SHROOM3: variants seen among roughly 807,000 people sequenced by gnomAD.
The protein encoded by SHROOM3 is protein Shroom3.
A neutral mutation model predicts 138.6 loss-of-function variants in SHROOM3; 47 were observed. The ratio of observed to expected loss-of-function variants is 0.34; its 90% CI spans 0.27 to 0.43. The LOEUF (loss-of-function observed/expected upper bound fraction) is 0.43. Ranked by LOEUF, SHROOM3 falls within the 20% of genes least tolerant of loss-of-function variation. The probability of loss-of-function intolerance (pLI) is 1.00; values close to 1 mark genes in which losing one functional copy is unlikely to be tolerated. For missense variants in SHROOM3, 2,491 were observed against 2,596.5 expected (o/e 0.96, Z 0.88); for synonymous variants, 1,062 against 1,063.3 (o/e 1.00, Z 0.02).
intron 1 of SHROOM3, among the ~76,000 whole-genome samples, chr4:76,485,425 T>C (rs1731708798): frequency 6.6e-6 from 1 of 152,232 alleles, no homozygotes; most frequent in Admixed American, 6.5e-5. Flanking sequence ...GAAATAAATA[T>C]TTAGGGATAC....
At position 76,741,456 on chromosome 4, in the gene SHROOM3, G is replaced by T. The variant is rs1161344278; in HGVS notation, c.3283G>T (p.Gly1095Cys). Residue 1095 changes from glycine to cysteine, a missense_variant, in exon 5 of 11, where the codon GGC becomes TGC. Coordinates refer to ENST00000296043, the MANE Select transcript of SHROOM3 (RefSeq NM_020859.4). The surrounding 1 kb of genome is among the most constrained non-coding windows in gnomAD (Gnocchi z 6.2). ...ALADYIQRKT[G>C]KRPTSAAGCS... ...GGCGGACTACATCCAGCGCAAGACC[G>T]GCAAGCGGCCTACCTCCGCCGCCGG... is the stretch of plus-strand genomic sequence containing the variant. The T allele has an allele frequency of 6.3e-7, 1 of 1,576,540 alleles. No homozygotes were observed. The highest frequency in any genetic ancestry group is 1.3e-5 in the African/African-American group (1 of 74,318).
intron 2 of SHROOM3, among the ~76,000 whole-genome samples, chr4:76,582,077 TA>T (rs1247918661): frequency 2.6e-5 from 4 of 152,192 alleles, no homozygotes; most frequent in African/African-American, 9.7e-5. Context: ...TCAGCCATGA[TA>T]AAAATCAAAA....
chr4:76,505,485 A>G (rs999201807), intron 1 of SHROOM3, among the ~76,000 whole-genome samples: 1 of 152,154 alleles, frequency 6.6e-6, no homozygotes, highest in African/African-American at 2.4e-5. Context: ...ATCCATACAT[A>G]CAATTGGCCC....
intron 2 of SHROOM3, among the ~76,000 whole-genome samples, chr4:76,672,932 T>C (rs192902040): frequency 7.9e-4 from 120 of 152,294 alleles, no homozygotes; most frequent in African/African-American, 2.6e-3. Flanking sequence ...TTCTGCCTCA[T>C]TGCCCTTAAA....
chr4:76,597,015 C>A (rs1278227494), intron 2 of SHROOM3, among the ~76,000 whole-genome samples: 1 of 152,214 alleles, frequency 6.6e-6, no homozygotes, highest in Non-Finnish European at 1.5e-5. Context: ...ACCCCTTCAA[C>A]TGGGGCTTGA....
At chr4:76,462,481 C>T (rs1365550241) in intron 1 of SHROOM3, among the ~76,000 whole-genome samples, 1 of 152,178 alleles carries the variant, frequency 6.6e-6, no homozygotes, top group African/African-American at 2.4e-5. Context: ...TCATTTACCA[C>T]TTGATATGGT....
In SHROOM3 at chr4:76,741,586, G is replaced by C; in HGVS notation, c.3413G>C (p.Ser1138Thr). The C allele has an allele frequency of 6.5e-7, 1 of 1,541,436 alleles. No homozygotes were observed. The highest frequency in any genetic ancestry group is 8.7e-7 in the Non-Finnish European group (1 of 1,149,524). The change falls in exon 5 of 11, where the codon AGC becomes ACC. Residue 1138 changes from serine (S) to threonine (T), a missense_variant. Ser to Thr is a moderately conservative substitution (Grantham distance 58). Coordinates refer to ENST00000296043, the MANE Select transcript of SHROOM3 (RefSeq NM_020859.4). The surrounding 1 kb of genome is among the most constrained non-coding windows in gnomAD (Gnocchi z 6.2). ...LEGSGLASAS[S>T]LSSLREPSLQ... is the part of the protein sequence containing the mutation. ...GGCTCCGGCCTCGCCTCGGCCTCCAGCTTGAGCTCACTGCGGGAGCCCAGC... is the reference window on the plus strand; with the variant it reads ...GGCTCCGGCCTCGCCTCGGCCTCCACCTTGAGCTCACTGCGGGAGCCCAGC...
chr4:76,761,971 T>C (rs1722000057), intron 9 of SHROOM3, among the ~76,000 whole-genome samples: 1 of 152,180 alleles, frequency 6.6e-6, no homozygotes. Flanking sequence ...AAGAAAAATA[T>C]CCAGAAGCCC....
intron 2 of SHROOM3, among the ~76,000 whole-genome samples, chr4:76,558,447 G>A (rs779733291): frequency 6.6e-6 from 1 of 152,196 alleles, no homozygotes; most frequent in Non-Finnish European, 1.5e-5. Flanking sequence ...TGTGACACAT[G>A]CTAATATGGA....
At chr4:76,467,201 C>A (rs1238149745) in intron 1 of SHROOM3, among the ~76,000 whole-genome samples, 1 of 151,974 alleles carries the variant, frequency 6.6e-6, no homozygotes, top group East Asian at 1.9e-4. Flanking sequence ...TGTTATCAGA[C>A]CCAGCTAATT....
chr4:76,760,210 C>T (rs1560619010), intron 9 of SHROOM3, among the ~76,000 whole-genome samples: 1 of 152,146 alleles, frequency 6.6e-6, no homozygotes, highest in Non-Finnish European at 1.5e-5. Flanking sequence ...GGGACTTCAG[C>T]GAATAGCTTG....
chr4:76,466,692 A>G (rs1388432234), intron 1 of SHROOM3, among the ~76,000 whole-genome samples: 7 of 152,200 alleles, frequency 4.6e-5, no homozygotes, highest in Admixed American at 3.3e-4. Context: ...AATAAGTCTA[A>G]GTCCCAAATC....
chr4:76,577,093 G>C (rs1733955041), intron 2 of SHROOM3, among the ~76,000 whole-genome samples: 1 of 152,074 alleles, frequency 6.6e-6, no homozygotes, highest in South Asian at 2.1e-4. Flanking sequence ...TTGAATTTCT[G>C]ATCTACCTAA....
intron 1 of SHROOM3, among the ~76,000 whole-genome samples, chr4:76,489,686 T>G (rs187585715): frequency 6.6e-6 from 1 of 152,312 alleles, no homozygotes; most frequent in African/African-American, 2.4e-5. Flanking sequence ...GAAGCTTTCT[T>G]GAAGAATGAG....
chr4:76,629,295 A>G (rs1420770756), intron 2 of SHROOM3, among the ~76,000 whole-genome samples: 1 of 152,206 alleles, frequency 6.6e-6, no homozygotes, highest in African/African-American at 2.4e-5. Flanking sequence ...TCTGTTTGAA[A>G]AAGAGCAAGA....
At chr4:76,648,963 T>G (rs1302949837) in intron 2 of SHROOM3, among the ~76,000 whole-genome samples, 3 of 146,648 alleles carry the variant, frequency 2.0e-5, no homozygotes, top group Non-Finnish European at 4.5e-5. Flanking sequence ...AGCCATTGAT[T>G]AAATAAAAAA....
chr4:76,731,803 C>T (rs1193968323), intron 4 of SHROOM3, among the ~76,000 whole-genome samples: 1 of 149,664 alleles, frequency 6.7e-6, no homozygotes, highest in Non-Finnish European at 1.5e-5. Flanking sequence ...AACAAACAAA[C>T]AAACAGAAAT....
At chr4:76,657,408 AT>A (rs1321513412) in intron 2 of SHROOM3, among the ~76,000 whole-genome samples, 2 of 152,152 alleles carry the variant, frequency 1.3e-5, no homozygotes, top group Non-Finnish European at 2.9e-5. Context: ...GGTTTGATTC[AT>A]TTTGTGACTT....
At chr4:76,694,801 A>T (rs1719672768) in intron 2 of SHROOM3, among the ~76,000 whole-genome samples, 1 of 152,232 alleles carries the variant, frequency 6.6e-6, no homozygotes, top group Non-Finnish European at 1.5e-5. Context: ...ACTTACTAGG[A>T]GTCAAGCACT....
Sources: allele counts gnomAD v4.1 joint callset (sites outside exome capture counted in the v4.1 genomes callset), GRCh38; gene constraint gnomAD v4.1.1; non-coding constraint Gnocchi (gnomAD v3.1); transcripts MANE v1.5; gene names NCBI Gene and HGNC (gene_info 2026-07-23, HGNC 2026-07-21).